PABIR2: variants seen among roughly 807,000 people sequenced by gnomAD.
PABIR2 encodes family with sequence similarity 122B.
PABIR2 carries 7 observed loss-of-function variants against 22.8 expected under a neutral mutation model. That is an observed-to-expected ratio of 0.31 (90% CI 0.17 to 0.58). The LOEUF (loss-of-function observed/expected upper bound fraction) is 0.58, where lower values mean the gene tolerates loss of function less well. Among genes scored for constraint, PABIR2 ranks in the 20% least tolerant of loss-of-function variants. The probability of loss-of-function intolerance (pLI) is 0.89; values close to 1 mark genes in which losing one functional copy is unlikely to be tolerated. For synonymous variants in PABIR2, 67 were observed against 73.8 expected, an observed-to-expected ratio of 0.91 and a Z score of 0.47; for missense variants, 155 against 205.1, an observed-to-expected ratio of 0.76 and a Z score of 1.49.
intron 9 of PABIR2, 50 bp downstream of exon 9, chrX:134,781,771 T>C: frequency 2.2e-6 from 2 of 909,961 alleles, no homozygotes; most frequent in Non-Finnish European, 1.5e-6. Flanking sequence ...GTGGCTCTTT[T>C]AAAATGGATT....
At chrX:134,773,722 C>G (rs933615664) in intron 9 of PABIR2, among the ~76,000 whole-genome samples, 5 of 105,219 alleles carry the variant, frequency 4.8e-5, no homozygotes, top group African/African-American at 2.0e-4. Context: ...AATTATGAAT[C>G]AGGAAACATG....
intron 2 of PABIR2, 50 bp from the exon 3 acceptor site, chrX:134,789,686 G>A: frequency 1.9e-6 from 2 of 1,060,551 alleles, no homozygotes; most frequent in Non-Finnish European, 2.5e-6. Flanking sequence ...CAAAGCAGCA[G>A]TCTGCTGTCA....
In PABIR2 at chrX:134,772,185, T is replaced by C. The variant is rs1443482183; in HGVS notation, c.758A>G (p.Asn253Ser). ...ATAESPVACS[N>S]SCSSFILMDD... ...CATCAAGATGAACGAAGAGCATGAA[T>C]TGGAGCATGCTACTGGAGACTCTGC... Residue 253 changes from asparagine (N) to serine (S), a missense_variant, in exon 10 of 10, where the codon AAT (asparagine) becomes AGT (serine). Physicochemically the swap from Asn to Ser is conservative, Grantham distance 46. Coordinates refer to ENST00000343004, the MANE Select transcript of PABIR2 (RefSeq NM_001387468.1). 2 of 1,205,963 alleles carry C rather than the reference T, an allele frequency of 1.7e-6. No homozygotes were observed. The highest frequency in any genetic ancestry group is 1.8e-5 in the South Asian group (1 of 56,134).
At chrX:134,791,425 T>C (rs905425649) in intron 2 of PABIR2, among the ~76,000 whole-genome samples, 1 of 108,939 alleles carries the variant, frequency 9.2e-6, no homozygotes, top group African/African-American at 3.4e-5. Flanking sequence ...GGCAGTGGAG[T>C]GTAGATTATG....
At chrX:134,791,742 T>C in intron 2 of PABIR2, 1 of 311,938 alleles carries the variant, frequency 3.2e-6, no homozygotes, top group Non-Finnish European at 6.2e-6. Context: ...AAGGGTCATC[T>C]GCTCAAAGTA....
intron 2 of PABIR2, among the ~76,000 whole-genome samples, chrX:134,793,259 A>C (rs1288510345): frequency 2.7e-5 from 3 of 112,070 alleles, no homozygotes; most frequent in Non-Finnish European, 1.9e-5. Flanking sequence ...TTGATAAGTG[A>C]GTTCCACATG....
At chrX:134,786,893 G>T (rs912063362) in intron 7 of PABIR2, among the ~76,000 whole-genome samples, 1 of 110,824 alleles carries the variant, frequency 9.0e-6, no homozygotes, top group African/African-American at 3.3e-5. Flanking sequence ...AGAGGTTTCA[G>T]TGAGCTGAGA....
intron 2 of PABIR2, chrX:134,791,777 C>T (rs1188665694): frequency 3.6e-6 from 1 of 275,517 alleles, no homozygotes; most frequent in Non-Finnish European, 6.8e-6. Context: ...TGGAAGCGGA[C>T]AGAATCTTTT....
chrX:134,771,364 T>C lies in PABIR2; in HGVS notation c.*775A>G, dbSNP rs1169181258. 2 of 1,150,439 alleles carry C rather than the reference T, an allele frequency of 1.7e-6. No individual in the cohort carries two copies. The highest frequency in any genetic ancestry group is 2.3e-6 in the Non-Finnish European group (2 of 869,881). The allele number at this position is 1,150,439 out of a possible 1,213,427, so 94.8% of individuals were successfully genotyped here. A position where few individuals can be genotyped will look rare whatever the true frequency, so the allele number is the denominator to read the frequency against. ...TCCTTGATAACACCACCTAGAAATA[T>C]CAACAATATTTTATATATTCCTTAG... On this transcript the variant is annotated 3_prime_UTR_variant, in exon 10 of 10. Transcript: ENST00000343004.
intron 2 of PABIR2, among the ~76,000 whole-genome samples, chrX:134,791,491 A>G (rs2079547174): frequency 9.0e-6 from 1 of 111,150 alleles, no homozygotes; most frequent in African/African-American, 3.3e-5. Context: ...TACGAAAAAG[A>G]AAACAGTTTG....
intron 9 of PABIR2, among the ~76,000 whole-genome samples, chrX:134,772,500 C>G (rs1252899179): frequency 1.8e-5 from 2 of 111,570 alleles, no homozygotes; most frequent in South Asian, 3.8e-4. Context: ...GATTGTCCCC[C>G]CTAGAGGCAC....
chrX:134,788,512 T>C (rs1307468173), intron 6 of PABIR2, among the ~76,000 whole-genome samples: 1 of 103,332 alleles, frequency 9.7e-6, no homozygotes, highest in Non-Finnish European at 1.9e-5. Flanking sequence ...ATATATGTAA[T>C]ATGTTATATA....
intron 7 of PABIR2, among the ~76,000 whole-genome samples, chrX:134,786,868 T>C (rs1263040743): frequency 1.8e-5 from 2 of 110,842 alleles, no homozygotes; most frequent in East Asian, 5.7e-4. Context: ...AGAGAAATGC[T>C]TGAACCCAGG....
intron 9 of PABIR2, among the ~76,000 whole-genome samples, chrX:134,777,883 T>C (rs2079029784): frequency 9.9e-6 from 1 of 100,972 alleles, no homozygotes; most frequent in African/African-American, 3.9e-5. Flanking sequence ...TTTGTTTGGT[T>C]GGTTTTTTTT....
chrX:134,789,201 C>A, intron 4 of PABIR2, 22 bp downstream of exon 4: 1 of 1,211,853 alleles, frequency 8.3e-7, no homozygotes, highest in Non-Finnish European at 1.1e-6. Context: ...TAGGCTAGGC[C>A]CTGCTCTTGC....
Position 134,796,452 on chromosome X carries a change from T to G in PABIR2, c.-247A>C. On this transcript the variant is annotated 5_prime_UTR_variant, in exon 1 of 10. Transcript: ENST00000343004. ...GCAGGAGAGGAGGACGAAGAGGTAG[T>G]GGTGGAAGGTGACAGAATGAAGGAA... The G allele has an allele frequency of 6.2e-6, 2 of 325,043 alleles. No individual in the cohort carries two copies. The highest frequency in any genetic ancestry group is 3.0e-5 in the African/African-American group (1 of 33,022). 26.8% of individuals were successfully genotyped at this position (325,043 alleles called of 1,213,427 possible). A position where few individuals can be genotyped will look rare whatever the true frequency, so the allele number is the denominator to read the frequency against.
chrX:134,777,453 G>A, intron 9 of PABIR2, among the ~76,000 whole-genome samples: 1 of 106,568 alleles, frequency 9.4e-6, no homozygotes. Context: ...TTGAGCCCGG[G>A]AAGCAGAGGT....
In PABIR2 at chrX:134,797,076, A is replaced by T. The variant is rs1286991142; in HGVS notation, c.-871T>A. 1 of 113,804 alleles carries T rather than the reference A, an allele frequency of 8.8e-6. No homozygotes were observed. Among genetic ancestry groups the T allele is most frequent in the Non-Finnish European group, 1.9e-5 (1 of 53,624 alleles). The allele number at this position is 113,804 out of a possible 1,213,427, so 9.4% of individuals were successfully genotyped here. A position where few individuals can be genotyped will look rare whatever the true frequency, so the allele number is the denominator to read the frequency against. On this transcript the variant is annotated 5_prime_UTR_variant, in exon 1 of 10. Coordinates refer to ENST00000343004, the MANE Select transcript of PABIR2 (RefSeq NM_001387468.1). ...GCCTCCTCTTCCTCTCTCGGGTTCT[A>T]ATGGTCTGGGGGAACCCGTTGGGGC...
chrX:134,788,066 ATATG>A lies in PABIR2; in HGVS notation c.436-537_436-534del, dbSNP rs1028064866. On this transcript the variant is annotated intron_variant, in intron 6 of 9. Transcript: ENST00000343004. ...TATATATGTAATATACACGTTATAT[ATATG>A]TAATATACACGTTATATGTGTAATA... Among the ~76,000 whole-genome samples the A allele has an allele frequency of 1.1e-4, 12 of 107,774 alleles. 1 individual carries two copies. Among genetic ancestry groups the A allele is most frequent in the African/African-American group, 2.7e-4 (8 of 29,850 alleles). 93.6% of individuals were successfully genotyped at this position (107,774 alleles called of 115,157 possible).
Sources: gnomAD v4.1 joint callset for allele counts (sites outside exome capture counted in the v4.1 genomes callset) on GRCh38, gnomAD v4.1.1 for gene constraint, MANE v1.5 for transcripts, NCBI Gene and HGNC (gene_info 2026-07-23, HGNC 2026-07-21) for gene names.